The following MYH14 variants were observed in gnomAD, a reference collection of about 807,000 sequenced individuals.
MYH14 encodes the protein myosin-14.
A neutral mutation model predicts 255.5 loss-of-function variants in MYH14; 123 were observed. The ratio of observed to expected loss-of-function variants is 0.48; its 90% CI spans 0.42 to 0.56. The LOEUF is 0.56. MYH14 is among the 20% of genes least tolerant of loss of function. MYH14 has a pLI of 0.00. For synonymous variants in MYH14, 1,095 were observed against 1,161.2 expected, an observed-to-expected ratio of 0.94 and a Z score of 1.16; for missense variants, 2,423 against 2,802.3, an observed-to-expected ratio of 0.86 and a Z score of 3.06.
chr19:50,251,310 A>C (rs932036063), intron 15 of MYH14, among the ~76,000 whole-genome samples: 1 of 152,134 alleles, frequency 6.6e-6, no homozygotes, highest in African/African-American at 2.4e-5. Context: ...GGTCACACAA[A>C]AAGAGCCACA....
chr19:50,260,557 C>A, intron 19 of MYH14, 89 bp from the exon 20 acceptor site: 1 of 828,436 alleles, frequency 1.2e-6, no homozygotes, highest in South Asian at 1.4e-5. Flanking sequence ...TGCTGTGTGT[C>A]ACTCTGAGCC....
rs763176569 is a variant in MYH14, at chr19:50,278,223, G to T, written c.3966G>T (p.Val1322=). 1.0e-5 allele frequency: 16 copies of T among 1,602,648 alleles called. No individual in the cohort carries two copies. Among genetic ancestry groups the T allele is most frequent in the Admixed American group, 1.7e-5 (1 of 58,120 alleles). The part of the protein sequence containing the change: ...RRRLELQLQE[V]QGRAGDGERA... ...GCCTGGAGTTACAGCTGCAGGAGGT[G>T]CAGGGCCGGGCTGGTGATGGGGAGA... The change falls in exon 30 of 43, where the codon GTG becomes GTT. Residue 1322 remains valine, a synonymous_variant. Coordinates refer to ENST00000642316, the MANE Select transcript of MYH14 (RefSeq NM_001145809.2).
intron 3 of MYH14, among the ~76,000 whole-genome samples, chr19:50,218,466 C>T (rs868528128): frequency 2.6e-5 from 4 of 151,654 alleles, no homozygotes; most frequent in Admixed American, 6.6e-5. Context: ...GGCCTGGTGG[C>T]GGGCACCTGT....
chr19:50,285,571 C>A (rs2035865260), intron 33 of MYH14: 1 of 151,966 alleles, frequency 6.6e-6, no homozygotes. Context: ...GATCTTGTAT[C>A]CTACAATCTT....
At chr19:50,218,335 G>A (rs549146462) in intron 3 of MYH14, among the ~76,000 whole-genome samples, 65 of 152,006 alleles carry the variant, frequency 4.3e-4, no homozygotes, top group Admixed American at 1.5e-3. Flanking sequence ...GGTGGCTCAC[G>A]CCTGTAATCC....
At chr19:50,294,589 G>T (rs945815526) in intron 39 of MYH14, among the ~76,000 whole-genome samples, 1 of 151,720 alleles carries the variant, frequency 6.6e-6, no homozygotes, top group African/African-American at 2.4e-5. Context: ...AATTAGCCAG[G>T]TGCAGTGGTG....
Position 50,276,951 on chromosome 19 carries a change from C to A in MYH14, c.3825+50C>A, listed in dbSNP as rs1216172735. 7.6e-6 allele frequency: 11 copies of A among 1,454,056 alleles called. No homozygotes were observed. The highest frequency in any genetic ancestry group is 1.0e-5 in the Non-Finnish European group (11 of 1,063,666). 90.1% of individuals were successfully genotyped at this position (1,454,056 alleles called of 1,614,324 possible). On this transcript the variant is annotated intron_variant, in intron 29 of 42. Transcript: ENST00000642316. The surrounding 1 kb of genome is among the most constrained non-coding windows in gnomAD (Gnocchi z 4.3). Reference sequence around the variant, plus strand: ...CAGGGGGGCCACGGGGAGGGCAGGGCAGGACGCGGGGTTGGAGGAGGTACC... The same window carrying A: ...CAGGGGGGCCACGGGGAGGGCAGGGAAGGACGCGGGGTTGGAGGAGGTACC...
intron 1 of MYH14, among the ~76,000 whole-genome samples, chr19:50,207,257 A>AGAGAGAGAGAGAGAG (rs2031827121): frequency 3.7e-5 from 1 of 26,974 alleles, no homozygotes; most frequent in African/African-American, 1.6e-4. Flanking sequence ...GAGAGAGAGA[A>AGAGAGAGAGAGAGAG]AGAGAGAGAG....
rs2033349015 is a variant in MYH14, at chr19:50,230,911, C to T, written c.973+288C>T. The T allele has an allele frequency of 4.6e-6, 2 of 431,932 alleles. No homozygotes were observed. Among genetic ancestry groups the T allele is most frequent in the Non-Finnish European group, 8.5e-6 (2 of 235,404 alleles). 26.8% of individuals were successfully genotyped at this position (431,932 alleles called of 1,614,324 possible). Reference sequence around the variant, plus strand: ...CTCCTGCTCACGCTCGCTTCCGAAGCTCCGTGGCTTCTCTCTCGCGCGGCT... The same window carrying T: ...CTCCTGCTCACGCTCGCTTCCGAAGTTCCGTGGCTTCTCTCTCGCGCGGCT... On this transcript the variant is annotated intron_variant, in intron 9 of 42. Transcript: ENST00000642316. The surrounding 1 kb of genome is among the most constrained non-coding windows in gnomAD (Gnocchi z 4.7).
rs1178273054 is a variant in MYH14, at chr19:50,293,181, G to A, written c.5257-52G>A. The A allele has an allele frequency of 1.1e-5, 14 of 1,326,114 alleles. No homozygotes were observed. The highest frequency in any genetic ancestry group is 1.3e-5 in the Non-Finnish European group (12 of 939,550). The allele number at this position is 1,326,114 out of a possible 1,614,324, so 82.1% of individuals were successfully genotyped here. A position where few individuals can be genotyped will look rare whatever the true frequency, so the allele number is the denominator to read the frequency against. On this transcript the variant is annotated intron_variant, in intron 37 of 42. Transcript: ENST00000642316. The surrounding 1 kb of genome is among the most constrained non-coding windows in gnomAD (Gnocchi z 4.1). ...AGGGACAGAGAAAGGGGTGAGACCC[G>A]TGCCCAGATTGCTTCTCCTCACACC...
At chr19:50,272,837 C>T (rs2035362322) in intron 27 of MYH14, 106 bp downstream of exon 27, 1 of 1,148,782 alleles carries the variant, frequency 8.7e-7, no homozygotes, top group Non-Finnish European at 1.2e-6. Flanking sequence ...AGTGGAGCCA[C>T]TCACCAGCCA....
intron 29 of MYH14, among the ~76,000 whole-genome samples, chr19:50,277,703 G>A (rs1014011330): frequency 1.3e-5 from 2 of 151,872 alleles, no homozygotes; most frequent in African/African-American, 4.8e-5. Context: ...ATCACCTGAG[G>A]TCAGGAGTTC....
chr19:50,266,988 C>T lies in MYH14; in HGVS notation c.2806C>T (p.Leu936Phe). 6.4e-7 allele frequency: 1 copy of T among 1,567,170 alleles called. No homozygotes were observed. Among genetic ancestry groups the T allele is most frequent in the Non-Finnish European group, 8.6e-7 (1 of 1,156,864 alleles). The change falls in exon 23 of 43, where the codon CTC (leucine) becomes TTC (phenylalanine). Residue 936 changes from leucine (L) to phenylalanine (F), a missense_variant. Coordinates refer to ENST00000642316, the MANE Select transcript of MYH14 (RefSeq NM_001145809.2). This position sits in a 1 kb window ranked among gnomAD's most constrained non-coding sequence, Gnocchi z 4.1. Reference sequence around the variant, plus strand: ...GCAGAGCGCCCGCGAAGTTGGGGAGCTCCAGGGCCGAGTGGCACAGGTGAG... The same window carrying T: ...GCAGAGCGCCCGCGAAGTTGGGGAGTTCCAGGGCCGAGTGGCACAGGTGAG... ...QQQSAREVGE[L>F]QGRVAQLEEE...
Position 50,276,059 on chromosome 19 carries a change from C to G in MYH14, c.3536C>G (p.Ala1179Gly). ...KSLREAQAAL[A>G]EAQEDLESER... ...CTGCGGGAGGCTCAAGCAGCCCTGG[C>G]CGAGGCCCAGGAGGACCTGGAGTCT... The change falls in exon 28 of 43, where the codon GCC becomes GGC. Residue 1179 changes from alanine (A) to glycine (G), a missense_variant. By Grantham distance (60) the Ala-to-Gly change is moderately conservative. Around this residue, in one of 3 missense-constraint regions of MYH14, gnomAD observed 1,513 missense variants for 1,674.8 expected, o/e 0.90. Transcript: ENST00000642316. This position sits in a 1 kb window ranked among gnomAD's most constrained non-coding sequence, Gnocchi z 4.3. 3 of 1,611,948 alleles carry G rather than the reference C, an allele frequency of 1.9e-6. No individual in the cohort carries two copies. Among genetic ancestry groups the G allele is most frequent in the Non-Finnish European group, 2.5e-6 (3 of 1,179,410 alleles).
Position 50,257,309 on chromosome 19 carries a change from C to T in MYH14, c.2055C>T (p.Ile685=), listed in dbSNP as rs752441421. ...ATCTCCATCTGACAGTGGAGGGCAT[C>T]GTGGGGCTGGAACAGGTGAGCAGCC... The part of the protein sequence containing the change: ...SAISPPGVEG[I]VGLEQVSSLG... The change falls in exon 18 of 43, where the codon ATC becomes ATT. Residue 685 remains isoleucine, a synonymous_variant. Transcript: ENST00000642316. 10 of 1,601,970 alleles carry T rather than the reference C, an allele frequency of 6.2e-6. No homozygotes were observed. Among genetic ancestry groups the T allele is most frequent in the East Asian group, 4.5e-5 (2 of 44,558 alleles).
At chr19:50,242,434 A>C (rs1317836697) in intron 10 of MYH14, among the ~76,000 whole-genome samples, 2 of 152,172 alleles carry the variant, frequency 1.3e-5, no homozygotes, top group Non-Finnish European at 2.9e-5. Flanking sequence ...GGTGGCAGGC[A>C]AGACAGAATG....
intron 39 of MYH14, among the ~76,000 whole-genome samples, chr19:50,297,474 G>T (rs539908291): frequency 6.9e-6 from 1 of 144,302 alleles, no homozygotes; most frequent in South Asian, 2.3e-4. Flanking sequence ...CATCTTTGTG[G>T]CTCTGTCTCA....
intron 2 of MYH14, among the ~76,000 whole-genome samples, chr19:50,213,095 G>A (rs2032283280): frequency 6.6e-6 from 1 of 152,176 alleles, no homozygotes; most frequent in South Asian, 2.1e-4. Flanking sequence ...TGGGACTACA[G>A]GCGCCTGCCA....
chr19:50,251,471 A>G (rs1302013441), intron 15 of MYH14, among the ~76,000 whole-genome samples: 51 of 143,286 alleles, frequency 3.6e-4, no homozygotes, highest in Non-Finnish European at 6.7e-4. Context: ...ATATATATAC[A>G]CATATATATA....
Sources: allele counts gnomAD v4.1 joint callset (sites outside exome capture counted in the v4.1 genomes callset), GRCh38; gene constraint gnomAD v4.1.1; regional missense constraint gnomAD v4.1.1; non-coding constraint Gnocchi (gnomAD v3.1); transcripts MANE v1.5; gene names NCBI Gene and HGNC (gene_info 2026-07-23, HGNC 2026-07-21).